Variants in TAFA5 observed in about 807,000 individuals in gnomAD.
TAFA5 encodes TAFA chemokine like family member 5, also known as chemokine-like protein TAFA-5.
In TAFA5, 6 loss-of-function variants were observed where a neutral mutation model predicts 15.3. That is an observed-to-expected ratio of 0.39 (90% CI 0.21 to 0.77). The LOEUF (loss-of-function observed/expected upper bound fraction) is 0.77. Ranked by LOEUF, TAFA5 falls within the 30% of genes least tolerant of loss-of-function variation. TAFA5 has a pLI of 0.41. For missense variants in TAFA5, 161 were observed against 193.1 expected, an observed-to-expected ratio of 0.83 and a Z score of 0.98; for synonymous variants, 103 against 80.7, an observed-to-expected ratio of 1.28 and a Z score of -1.48.
At chr22:48,544,583 C>T (rs993463935) in intron 1 of TAFA5, 3 of 414,948 alleles carry the variant, frequency 7.2e-6, no homozygotes, top group Admixed American at 5.1e-5. Flanking sequence ...TGCCAGCTTC[C>T]TCCCAGAGCT....
At chr22:48,569,327 G>A (rs1923506398) in intron 1 of TAFA5, among the ~76,000 whole-genome samples, 1 of 152,174 alleles carries the variant, frequency 6.6e-6, no homozygotes, top group Admixed American at 6.5e-5. Context: ...ACCTGGCCCG[G>A]CCCCGACATT....
In TAFA5 at chr22:48,546,134, C is replaced by T. The variant is rs1012086350; in HGVS notation, c.112+56430C>T. Among the ~76,000 whole-genome samples the T allele has an allele frequency of 2.6e-5, 4 of 152,172 alleles. No individual in the cohort carries two copies. In the South Asian group the frequency reaches 6.2e-4, roughly 24 times the overall value. ...GGAGGAGCAGGTGGGCTCGCTGAGT[C>T]GGGAGGAGGAGGGCTCCCCTTCAGC... On this transcript the variant is annotated intron_variant, in intron 1 of 3. Transcript: ENST00000402357.
intron 3 of TAFA5, among the ~76,000 whole-genome samples, chr22:48,720,203 G>A (rs773095000): frequency 1.6e-4 from 25 of 152,092 alleles, no homozygotes; most frequent in Non-Finnish European, 2.6e-4. Flanking sequence ...AGAAAGTTAC[G>A]TTACGTTGGG....
intron 3 of TAFA5, among the ~76,000 whole-genome samples, chr22:48,714,678 G>A (rs1480856823): frequency 6.6e-6 from 1 of 152,266 alleles, no homozygotes; most frequent in African/African-American, 2.4e-5. Flanking sequence ...TGAGGGCTCA[G>A]TCAAGAGACA....
intron 2 of TAFA5, chr22:48,693,464 C>T (rs979263890): frequency 3.1e-6 from 5 of 1,589,684 alleles, no homozygotes; most frequent in Admixed American, 3.6e-5. Context: ...ATGGCTGTGA[C>T]TCAACCATGG....
At chr22:48,605,429 G>GTAATGA (rs1925154433) in intron 1 of TAFA5, among the ~76,000 whole-genome samples, 1 of 116,964 alleles carries the variant, frequency 8.5e-6, no homozygotes, top group Admixed American at 8.0e-5. Flanking sequence ...GATGGTGGTG[G>GTAATGA]TGGTGGTGGT....
chr22:48,505,016 G>A (rs1316302773), intron 1 of TAFA5, among the ~76,000 whole-genome samples: 2 of 152,200 alleles, frequency 1.3e-5, no homozygotes, highest in African/African-American at 2.4e-5. Context: ...ACTGGAGCCC[G>A]GGACACTGTC....
intron 1 of TAFA5, among the ~76,000 whole-genome samples, chr22:48,496,990 G>A (rs1372591979): frequency 6.6e-6 from 1 of 152,202 alleles, no homozygotes; most frequent in Non-Finnish European, 1.5e-5. Context: ...ACCAGGGGAG[G>A]AGCTGCTGGA....
chr22:48,715,468 G>T (rs1929375348), intron 3 of TAFA5, among the ~76,000 whole-genome samples: 1 of 152,342 alleles, frequency 6.6e-6, no homozygotes, highest in African/African-American at 2.4e-5. Context: ...AGGAGGCTGG[G>T]GGTGGGGCGG....
At chr22:48,723,738 G>C (rs575910683) in intron 3 of TAFA5, among the ~76,000 whole-genome samples, 1 of 152,338 alleles carries the variant, frequency 6.6e-6, no homozygotes, top group East Asian at 1.9e-4. Flanking sequence ...ATGCCCCCAG[G>C]GTTGACCCTT....
chr22:48,722,156 A>G (rs1232593878), intron 3 of TAFA5, among the ~76,000 whole-genome samples: 1 of 152,150 alleles, frequency 6.6e-6, no homozygotes, highest in East Asian at 1.9e-4. Flanking sequence ...ACTCCCACCA[A>G]CAGTGTAAAA....
rs116053508 is a variant in TAFA5 at position 48,586,477 on chromosome 22, C to T, written c.113-60120C>T. Among the ~76,000 whole-genome samples, 937 of 152,274 alleles carry T rather than the reference C, an allele frequency of 6.2e-3. 9 individuals carry two copies. Among genetic ancestry groups the T allele is most frequent in the African/African-American group, 0.021 (892 of 41,574 alleles). ...GGGAATGATAAAAGGAGTGGAAGCC[C>T]GAGGACTTCCACGGGGGTCCCCTGA... On this transcript the variant is annotated intron_variant, in intron 1 of 3. Transcript: ENST00000402357.
intron 3 of TAFA5, among the ~76,000 whole-genome samples, chr22:48,743,333 C>G (rs61164717): frequency 6.6e-6 from 1 of 152,126 alleles, no homozygotes; most frequent in Non-Finnish European, 1.5e-5. Context: ...GCGTGGCTCC[C>G]GCCTCTGTCT....
At chr22:48,746,030 A>T (rs1473463569) in intron 3 of TAFA5, among the ~76,000 whole-genome samples, 1 of 152,162 alleles carries the variant, frequency 6.6e-6, no homozygotes, top group African/African-American at 2.4e-5. Context: ...CCTCCAGGAG[A>T]CAGCGATGGG....
At position 48,694,870 on chromosome 22, in the gene TAFA5, C is replaced by T. The variant is rs185527064; in HGVS notation, c.263-12847C>T. Among the ~76,000 whole-genome samples, 3 of 146,378 alleles carry T rather than the reference C, an allele frequency of 2.0e-5. No homozygotes were observed. The East Asian group carries it at 6.2e-4, about 30-fold the overall frequency. Reference sequence around the variant, plus strand: ...CCGCCGCTCCAGACTTCCACCCCCACCTGCCTGTGAGCCTTCCTGCCCCAG... The same window carrying T: ...CCGCCGCTCCAGACTTCCACCCCCATCTGCCTGTGAGCCTTCCTGCCCCAG... On this transcript the variant is annotated intron_variant, in intron 2 of 3. Transcript: ENST00000402357.
At chr22:48,517,012 A>G (rs557749202) in intron 1 of TAFA5, among the ~76,000 whole-genome samples, 7 of 152,314 alleles carry the variant, frequency 4.6e-5, no homozygotes, top group Non-Finnish European at 7.4e-5. Context: ...TTCTGCTGGC[A>G]TCTAGTGCAG....
intron 2 of TAFA5, among the ~76,000 whole-genome samples, chr22:48,664,549 C>A (rs944732249): frequency 2.6e-5 from 4 of 152,190 alleles, no homozygotes; most frequent in Non-Finnish European, 5.9e-5. Flanking sequence ...TTCATTGACA[C>A]ATCTATACAG....
intron 1 of TAFA5, among the ~76,000 whole-genome samples, chr22:48,505,746 G>T (rs1418991508): frequency 2.0e-5 from 3 of 152,190 alleles, no homozygotes; most frequent in African/African-American, 7.2e-5. Flanking sequence ...GCATCCCTGA[G>T]ACCACCCTCA....
intron 1 of TAFA5, among the ~76,000 whole-genome samples, chr22:48,584,913 CCACACA>C (rs564024414): frequency 6.8e-6 from 1 of 147,028 alleles, no homozygotes; most frequent in Non-Finnish European, 1.5e-5. Flanking sequence ...CACACACACA[CCACACA>C]CACACACACA....
Sources: gnomAD v4.1 joint callset for allele counts (sites outside exome capture counted in the v4.1 genomes callset) on GRCh38, gnomAD v4.1.1 for gene constraint, MANE v1.5 for transcripts, NCBI Gene and HGNC (gene_info 2026-07-23, HGNC 2026-07-21) for gene names.